The following CDC42BPG variants were observed in gnomAD, a reference collection of about 807,000 sequenced individuals.
CDC42BPG encodes the protein serine/threonine-protein kinase MRCK gamma.
CDC42BPG carries 157 observed loss-of-function variants against 192.2 expected under a neutral mutation model. The observed-to-expected ratio is 0.82, with a 90% CI of 0.72 to 0.93. CDC42BPG has a LOEUF of 0.93. CDC42BPG is among the 40% of genes least tolerant of loss of function. The pLI, the probability that CDC42BPG is intolerant of heterozygous loss-of-function variation, is 0.00. For synonymous variants in CDC42BPG, 981 were observed against 918.5 expected, an observed-to-expected ratio of 1.07 and a Z score of -1.23; for missense variants, 1,992 against 2,122.1, an observed-to-expected ratio of 0.94 and a Z score of 1.20.
At chr11:64,840,754 G>A in intron 3 of CDC42BPG, 106 bp from the exon 4 acceptor site, 2 of 948,058 alleles carry the variant, frequency 2.1e-6, no homozygotes, top group Non-Finnish European at 3.3e-6. Context: ...TGGGAGCTCA[G>A]ATGGAGGTCA....
At chr11:64,836,043 A>T (rs1490738572) in intron 13 of CDC42BPG, 74 bp downstream of exon 13, 5 of 1,471,342 alleles carry the variant, frequency 3.4e-6, no homozygotes, top group Non-Finnish European at 4.6e-6. Context: ...ATCTCCCACC[A>T]AGCTCCCCAT....
At position 64,835,820 on chromosome 11, in the gene CDC42BPG, T is replaced by G; in HGVS notation, c.1700A>C (p.Gln567Pro). Reference sequence around the variant, plus strand: ...CCACTGTCCCTGCAGCTGCGTCACCTGCCGGCTCAGGGAGGACACCTGGGC... The same window carrying G: ...CCACTGTCCCTGCAGCTGCGTCACCGGCCGGCTCAGGGAGGACACCTGGGC... Reference protein sequence around the residue: ...LEAQVSSLSRQVTQLQGQWEQ... With the variant: ...LEAQVSSLSRPVTQLQGQWEQ... Residue 567 changes from glutamine (Q) to proline (P), a missense_variant, in exon 14 of 37, where the codon CAG becomes CCG. Physicochemically the swap from Gln to Pro is moderately conservative, Grantham distance 76 (BLOSUM62 -1). This residue lies in a region of CDC42BPG where 1,656 missense variants were observed against 1,844.3 expected (regional missense o/e 0.90). Coordinates refer to ENST00000342711, the MANE Select transcript of CDC42BPG (RefSeq NM_017525.3). The G allele has an allele frequency of 6.2e-7, 1 of 1,612,920 alleles. No homozygotes were observed. Among genetic ancestry groups the G allele is most frequent in the Non-Finnish European group, 8.5e-7 (1 of 1,179,854 alleles).
At chr11:64,826,408 G>T in intron 36 of CDC42BPG, 62 bp downstream of exon 36, 1 of 1,165,310 alleles carries the variant, frequency 8.6e-7, no homozygotes, top group Non-Finnish European at 1.3e-6. Flanking sequence ...GCAAGGCCTA[G>T]CATAAAACGG....
chr11:64,829,483 G>A lies in CDC42BPG; in HGVS notation c.3955C>T (p.Pro1319Ser), dbSNP rs1476707608. ...CAGCAGGCCTTACCCCAGCCCATGG[G>A]CGCTGCTGGCCACAACAGCTCGTGG... ...RGHELLWPAA[P>S]MGWGYAAPYL... Residue 1319 changes from proline (P) to serine (S), a missense_variant, in exon 30 of 37, where the codon CCC (proline) becomes TCC (serine). Around this residue, in one of 2 missense-constraint regions of CDC42BPG, gnomAD observed 1,656 missense variants for 1,844.3 expected, o/e 0.90. Coordinates refer to ENST00000342711, the MANE Select transcript of CDC42BPG (RefSeq NM_017525.3). 6.2e-7 allele frequency: 1 copy of A among 1,612,748 alleles called. No individual in the cohort carries two copies. Among genetic ancestry groups the A allele is most frequent in the African/African-American group, 1.3e-5 (1 of 75,056 alleles).
At position 64,835,634 on chromosome 11, in the gene CDC42BPG, G is replaced by C. The variant is rs773669744; in HGVS notation, c.1759-13C>G. On this transcript the variant is annotated splice_polypyrimidine_tract_variant and intron_variant, in intron 14 of 36. Coordinates refer to ENST00000342711, the MANE Select transcript of CDC42BPG (RefSeq NM_017525.3). ...CTGTGTGGATGGTCTTGGGGACATG[G>C]AGGGGGTCAGGGCAGAGACCCAAGA... 2.7e-5 allele frequency: 43 copies of C among 1,569,754 alleles called. No individual in the cohort carries two copies.
chr11:64,830,177 C>T lies in CDC42BPG; in HGVS notation c.3367+17G>A. The stretch of plus-strand genomic sequence containing the variant: ...TGCCCCTGCCCACGCCCACCCTAGC[C>T]CAGCTTTGATAGGTACCGTTGCTGC... On this transcript the variant is annotated intron_variant, in intron 29 of 36. Transcript: ENST00000342711. 6.2e-7 allele frequency: 1 copy of T among 1,613,620 alleles called. No individual in the cohort carries two copies. Among genetic ancestry groups the T allele is most frequent in the East Asian group, 2.2e-5 (1 of 44,860 alleles).
rs370594020 is a variant in CDC42BPG, at chr11:64,827,356, C to T, written c.4193G>A (p.Arg1398Gln). ...GCTCTTGGTGCGGAACAGCTGGCGC[C>T]GGCTGTTGTCGGTGAGGTCCGGGAT... ...FDIPDLTDNS[R>Q]RQLFRTKSKR... Residue 1398 changes from arginine (R) to glutamine (Q), a missense_variant, in exon 33 of 37, where the codon CGG becomes CAG. Physicochemically the swap from Arg to Gln is conservative, Grantham distance 43 (BLOSUM62 1). Around this residue, in one of 2 missense-constraint regions of CDC42BPG, gnomAD observed 336 missense variants for 277.9 expected, o/e 1.21. Coordinates refer to ENST00000342711, the MANE Select transcript of CDC42BPG (RefSeq NM_017525.3). The T allele has an allele frequency of 1.9e-6, 3 of 1,613,978 alleles. No individual in the cohort carries two copies. Among genetic ancestry groups the T allele is most frequent in the African/African-American group, 1.3e-5 (1 of 74,928 alleles).
rs1181879192 is a variant in CDC42BPG at position 64,824,325 on chromosome 11, AG to A, written c.*147del. 16 of 737,536 alleles carry A rather than the reference AG, an allele frequency of 2.2e-5. No individual in the cohort carries two copies. In the African/African-American group the frequency reaches 2.2e-4, roughly 10 times the overall value. The allele number at this position is 737,536 out of a possible 1,614,324, so 45.7% of individuals were successfully genotyped here. On this transcript the variant is annotated 3_prime_UTR_variant, in exon 37 of 37. Transcript: ENST00000342711. ...CAGGACCCCCAAGTCCTGGGAACCC[AG>A]GCAAGTCTCCCAGTCATTGCCCAGC...
intron 3 of CDC42BPG, 79 bp downstream of exon 3, chr11:64,841,571 C>T (rs920438631): frequency 1.4e-5 from 17 of 1,211,274 alleles, no homozygotes; most frequent in Middle Eastern, 2.7e-4. Context: ...GCCCCCCCCG[C>T]GCCATAGGCC....
chr11:64,839,717 T>C, intron 5 of CDC42BPG, 146 bp from the exon 6 acceptor site: 1 of 624,904 alleles, frequency 1.6e-6, no homozygotes, highest in Non-Finnish European at 2.8e-6. Flanking sequence ...ATGAGCAACG[T>C]GTGTGTGTGT....
rs765542243 is a variant in CDC42BPG, at chr11:64,831,550, TGTC to T, written c.3256_3258del (p.Asp1086del). On this transcript the variant is annotated inframe_deletion, in exon 28 of 37. Coordinates refer to ENST00000342711, the MANE Select transcript of CDC42BPG (RefSeq NM_017525.3). ...GTGTGAGGCAGCAGCGGCAGCCCGT[TGTC>T]GTAAGCCTCCTTGAGTGTGTACACG... The T allele has an allele frequency of 6.2e-6, 10 of 1,611,900 alleles. No individual in the cohort carries two copies. The highest frequency in any genetic ancestry group is 8.5e-6 in the Non-Finnish European group (10 of 1,179,224).
rs932132467 is a variant in CDC42BPG at position 64,833,008 on chromosome 11, G to A, written c.2732-49C>T. The A allele has an allele frequency of 3.4e-6, 5 of 1,489,912 alleles. No individual in the cohort carries two copies. In the African/African-American group the frequency reaches 7.0e-5, roughly 21 times the overall value. 92.3% of individuals were successfully genotyped at this position (1,489,912 alleles called of 1,614,324 possible). On this transcript the variant is annotated intron_variant, in intron 24 of 36. Transcript: ENST00000342711. ...GATGAGGTGAGGCTGGGAGGGGACA[G>A]CCCCAAACCAGGACGGGGGCATGTC...
At chr11:64,830,140 G>A (rs1340026405) in intron 29 of CDC42BPG, 54 bp downstream of exon 29, 1 of 1,612,580 alleles carries the variant, frequency 6.2e-7, no homozygotes, top group Non-Finnish European at 8.5e-7. Context: ...ATCCTCCTCT[G>A]CCCGCTGGGG....
At chr11:64,833,457 T>C (rs747455971) in intron 23 of CDC42BPG, 121 bp from the exon 24 acceptor site, 52 of 974,918 alleles carry the variant, frequency 5.3e-5, no homozygotes, top group Non-Finnish European at 7.7e-5. Flanking sequence ...AGCCAATCTA[T>C]GGCGGCAGGC....
chr11:64,835,854 G>A lies in CDC42BPG; in HGVS notation c.1669-3C>T, dbSNP rs1318976966. 1 of 1,608,936 alleles carries A rather than the reference G, an allele frequency of 6.2e-7. No individual in the cohort carries two copies. Among genetic ancestry groups the A allele is most frequent in the East Asian group, 2.2e-5 (1 of 44,722 alleles). ...AGGGAGGACACCTGGGCCTCCAGCT[G>A]TGAGGGGTGCAGAGGCAGGCCACTG... On this transcript the variant is annotated splice_region_variant and splice_polypyrimidine_tract_variant and intron_variant, in intron 13 of 36. Transcript: ENST00000342711.
rs71471960 is a variant in CDC42BPG at position 64,836,372 on chromosome 11, A to ACTCACCCACCTCACCCAC, written c.1488+37_1488+54dup. ...CGAACCGTCCATGGAGCCCAGGGCC[A>ACTCACCCACCTCACCCAC]CTCACCCACCTCACCCACCTCACCC... On this transcript the variant is annotated intron_variant, in intron 12 of 36. Transcript: ENST00000342711. 281 of 1,510,124 alleles carry ACTCACCCACCTCACCCAC rather than the reference A, an allele frequency of 1.9e-4. 2 individuals carry two copies. The highest frequency in any genetic ancestry group is 1.6e-3 in the South Asian group (138 of 88,860). The allele number at this position is 1,510,124 out of a possible 1,614,324, so 93.5% of individuals were successfully genotyped here. A position where few individuals can be genotyped will look rare whatever the true frequency, so the allele number is the denominator to read the frequency against.
chr11:64,839,601 C>A, intron 5 of CDC42BPG, 30 bp from the exon 6 acceptor site: 1 of 1,590,174 alleles, frequency 6.3e-7, no homozygotes, highest in East Asian at 2.3e-5. Context: ...GAGAGTGAGG[C>A]GTTTGACCTG....
chr11:64,838,924 A>T, intron 7 of CDC42BPG, 22 bp from the exon 8 acceptor site: 2 of 1,542,826 alleles, frequency 1.3e-6, no homozygotes, highest in South Asian at 2.2e-5. Context: ...GGGAGGGGGC[A>T]GGCTGGGTCA....
intron 17 of CDC42BPG, 30 bp downstream of exon 17, chr11:64,835,017 T>TTGGCCCCCC: frequency 6.4e-7 from 1 of 1,571,954 alleles, no homozygotes; most frequent in Non-Finnish European, 8.7e-7. Context: ...TCGCCTGCGT[T>TTGGCCCCCC]CCCCACCCCG....
Sources: allele counts gnomAD v4.1 joint callset, GRCh38; gene constraint gnomAD v4.1.1; regional missense constraint gnomAD v4.1.1; transcripts MANE v1.5; gene names NCBI Gene and HGNC (gene_info 2026-07-23, HGNC 2026-07-21).